ZBTB20: variants seen among roughly 807,000 people sequenced by gnomAD.
ZBTB20 encodes zinc finger and BTB domain containing 20.
In ZBTB20, 9 loss-of-function variants were observed where a neutral mutation model predicts 56.9. The ratio of observed to expected loss-of-function variants is 0.16; its 90% CI spans 0.10 to 0.28. The LOEUF is 0.28. Among genes scored for constraint, ZBTB20 ranks in the 10% least tolerant of loss-of-function variants. ZBTB20 has a pLI of 1.00. For synonymous variants in ZBTB20, 417 were observed against 420.7 expected, an observed-to-expected ratio of 0.99 and a Z score of 0.11; for missense variants, 655 against 1,003.0, an observed-to-expected ratio of 0.65 and a Z score of 4.69.
intron 1 of ZBTB20, among the ~76,000 whole-genome samples, chr3:115,110,965 C>T (rs1160285009): frequency 3.3e-5 from 5 of 149,918 alleles, no homozygotes; most frequent in Admixed American, 6.7e-5. Context: ...ACTCCAGCTT[C>T]GGCAACAGAG....
chr3:114,919,206 A>G (rs2075861321), intron 3 of ZBTB20, among the ~76,000 whole-genome samples: 1 of 152,210 alleles, frequency 6.6e-6, no homozygotes, highest in Non-Finnish European at 1.5e-5. Flanking sequence ...CCTGGGGGAA[A>G]AGCAAGATAC....
intron 4 of ZBTB20, among the ~76,000 whole-genome samples, chr3:114,884,303 G>C (rs1451246456): frequency 6.6e-6 from 1 of 152,074 alleles, no homozygotes; most frequent in Non-Finnish European, 1.5e-5. Flanking sequence ...TATATTGATA[G>C]ATTTTTAGTA....
At chr3:114,783,238 A>G (rs970523749) in intron 5 of ZBTB20, among the ~76,000 whole-genome samples, 1 of 152,220 alleles carries the variant, frequency 6.6e-6, no homozygotes, top group Non-Finnish European at 1.5e-5. Context: ...ACTTAAACTC[A>G]TTACATAAAT....
intron 1 of ZBTB20, among the ~76,000 whole-genome samples, chr3:115,080,969 G>A (rs1382213519): frequency 1.3e-5 from 2 of 152,042 alleles, no homozygotes; most frequent in Non-Finnish European, 1.5e-5. Flanking sequence ...CAGGTCAATG[G>A]CACAGAATAG....
chr3:115,042,331 G>A (rs2081175140), intron 2 of ZBTB20, among the ~76,000 whole-genome samples: 1 of 152,122 alleles, frequency 6.6e-6, no homozygotes, highest in South Asian at 2.1e-4. Flanking sequence ...TTTTATAAAA[G>A]GTAAAACATG....
At chr3:114,545,622 C>G (rs1264967421) in intron 6 of ZBTB20, among the ~76,000 whole-genome samples, 1 of 152,018 alleles carries the variant, frequency 6.6e-6, no homozygotes, top group Non-Finnish European at 1.5e-5. Context: ...GATTAATAAC[C>G]CATAGTAGGG....
intron 2 of ZBTB20, among the ~76,000 whole-genome samples, chr3:115,054,825 T>G (rs1576663035): frequency 1.3e-5 from 2 of 152,272 alleles, no homozygotes; most frequent in East Asian, 3.9e-4. Flanking sequence ...TTGATTTTTC[T>G]TAGCTCTTTA....
intron 7 of ZBTB20, among the ~76,000 whole-genome samples, chr3:114,418,360 A>G (rs1190708213): frequency 6.6e-6 from 1 of 151,928 alleles, no homozygotes; most frequent in Non-Finnish European, 1.5e-5. Flanking sequence ...GACCTGGGAG[A>G]GTTTCTTCTT....
intron 7 of ZBTB20, among the ~76,000 whole-genome samples, chr3:114,472,889 G>C (rs1443647137): frequency 1.3e-5 from 2 of 152,156 alleles, no homozygotes; most frequent in Non-Finnish European, 2.9e-5. Flanking sequence ...CCAAACCAAA[G>C]AGGGTATGTT....
At chr3:115,126,093 C>T (rs1203742446) in intron 1 of ZBTB20, among the ~76,000 whole-genome samples, 1 of 152,118 alleles carries the variant, frequency 6.6e-6, no homozygotes, top group African/African-American at 2.4e-5. Flanking sequence ...GGAAAACACA[C>T]ATATACATGT....
intron 2 of ZBTB20, among the ~76,000 whole-genome samples, chr3:115,024,756 T>C (rs544153428): frequency 6.6e-6 from 1 of 151,144 alleles, no homozygotes; most frequent in African/African-American, 2.4e-5. Context: ...GGGTTGACCG[T>C]ACAACATAAA....
chr3:114,564,356 G>A (rs942420099), intron 6 of ZBTB20, among the ~76,000 whole-genome samples: 2 of 152,040 alleles, frequency 1.3e-5, no homozygotes, highest in Non-Finnish European at 2.9e-5. Flanking sequence ...CGGTGGGGTG[G>A]GGAGGGGGGC....
intron 4 of ZBTB20, among the ~76,000 whole-genome samples, chr3:114,848,891 T>G (rs1019982720): frequency 5.9e-5 from 9 of 152,206 alleles, no homozygotes; most frequent in African/African-American, 2.2e-4. Context: ...ATCAGCAGGA[T>G]AATGTGCTAC....
chr3:114,565,627 C>A (rs934633484), intron 6 of ZBTB20, among the ~76,000 whole-genome samples: 9 of 152,108 alleles, frequency 5.9e-5, no homozygotes, highest in Non-Finnish European at 8.8e-5. Flanking sequence ...GGAGATAATA[C>A]GGTAGCGATA....
chr3:114,417,364 G>C (rs1274796893), intron 7 of ZBTB20, among the ~76,000 whole-genome samples: 1 of 152,042 alleles, frequency 6.6e-6, no homozygotes, highest in Non-Finnish European at 1.5e-5. Context: ...TCTAAGCTTT[G>C]TTTGTGATAG....
intron 7 of ZBTB20, among the ~76,000 whole-genome samples, chr3:114,428,842 A>G (rs1448452354): frequency 1.3e-5 from 2 of 152,176 alleles, no homozygotes; most frequent in Non-Finnish European, 2.9e-5. Context: ...TCATTTTGTA[A>G]ATGAGGAAAC....
intron 1 of ZBTB20, 86 bp downstream of exon 1, chr3:115,147,117 CCCCACTCCAGGCGCCT>C (rs1273175876): frequency 6.8e-6 from 1 of 147,650 alleles, no homozygotes; most frequent in Non-Finnish European, 1.5e-5. Context: ...TCCCGCCGCC[CCCCACTCCAGGCGCCT>C]CGCAGACGCC....
chr3:114,771,565 T>G (rs2069200787), intron 5 of ZBTB20, among the ~76,000 whole-genome samples: 1 of 152,192 alleles, frequency 6.6e-6, no homozygotes, highest in African/African-American at 2.4e-5. Flanking sequence ...GATGGCAGAT[T>G]GCAGGGGTGA....
intron 7 of ZBTB20, among the ~76,000 whole-genome samples, chr3:114,408,983 T>C (rs1001563476): frequency 5.3e-5 from 8 of 152,108 alleles, no homozygotes; most frequent in African/African-American, 1.7e-4. Context: ...CTCGCCTTCA[T>C]ACATCACAAA....
Sources: allele counts gnomAD v4.1 joint callset (sites outside exome capture counted in the v4.1 genomes callset), GRCh38; gene constraint gnomAD v4.1.1; transcripts MANE v1.5; gene names NCBI Gene and HGNC (gene_info 2026-07-23, HGNC 2026-07-21).